Variants in TPGS2 observed in about 807,000 individuals in gnomAD.
TPGS2 encodes the protein polyglutamylase subunit 2.
TPGS2 carries 26 observed loss-of-function variants against 31.1 expected under a neutral mutation model. The ratio of observed to expected loss-of-function variants is 0.84; its 90% confidence interval spans 0.61 to 1.16. The LOEUF (loss-of-function observed/expected upper bound fraction) is 1.16, where lower values mean the gene tolerates loss of function less well. Among genes scored for constraint, TPGS2 ranks in the 50% most tolerant of loss-of-function variants. TPGS2 has a pLI of 0.00. For synonymous variants in TPGS2, 130 were observed against 136.6 expected (o/e 0.95, Z 0.34); for missense variants, 351 against 363.8 (o/e 0.96, Z 0.29).
chr18:36,824,391 A>C (rs2150704564), intron 1 of TPGS2, among the ~76,000 whole-genome samples: 1 of 152,352 alleles, frequency 6.6e-6, no homozygotes, highest in African/African-American at 2.4e-5. Context: ...CAGAAAGGGA[A>C]TCCAGAAATG....
At chr18:36,798,840 T>C (rs930768891) in intron 5 of TPGS2, among the ~76,000 whole-genome samples, 7 of 152,196 alleles carry the variant, frequency 4.6e-5, no homozygotes, top group Non-Finnish European at 8.8e-5. Flanking sequence ...GATCAGTAGA[T>C]TGATCTATCT....
rs1384676496 is a variant in TPGS2, at chr18:36,805,446, G to A, written c.310C>T (p.Leu104Phe). Residue 104 changes from leucine to phenylalanine, a missense_variant, in exon 4 of 7, where the codon CTC becomes TTC. Leu to Phe is a conservative substitution (Grantham distance 22). Coordinates refer to ENST00000334295, the MANE Select transcript of TPGS2 (RefSeq NM_015476.4). Reference protein sequence around the residue: ...AINSISKLTQLTQSSMYSLPN... With the variant: ...AINSISKLTQFTQSSMYSLPN... The stretch of plus-strand genomic sequence containing the variant: ...AGTGAATACATGGAAGACTGGGTGA[G>A]CTGAGTCAGTTTTGAGATGCTGTTA... 6 of 1,613,968 alleles carry A rather than the reference G, an allele frequency of 3.7e-6. No individual in the cohort carries two copies. In the East Asian group the frequency reaches 6.7e-5, roughly 18 times the overall value.
At position 36,794,196 on chromosome 18, in the gene TPGS2, A is replaced by C. The variant is rs939785142; in HGVS notation, c.*2609T>G. On this transcript the variant is annotated 3_prime_UTR_variant, in exon 7 of 7. Coordinates refer to ENST00000334295, the MANE Select transcript of TPGS2 (RefSeq NM_015476.4). ...AACAAGTTGAGAAAGACACTATGGA[A>C]GAAAGGAAAAACATTACATTTTAGT... 1 of 860,866 alleles carries C rather than the reference A, an allele frequency of 1.2e-6. No homozygotes were observed. The allele number at this position is 860,866 out of a possible 1,614,324, so 53.3% of individuals were successfully genotyped here.
chr18:36,807,124 G>T (rs1449680168), intron 3 of TPGS2, among the ~76,000 whole-genome samples: 1 of 151,478 alleles, frequency 6.6e-6, no homozygotes, highest in Non-Finnish European at 1.5e-5. Context: ...GGAACTGGAG[G>T]GGAGGGGCTG....
chr18:36,784,499 C>A (rs1367453299), intron 6 of TPGS2, among the ~76,000 whole-genome samples: 1 of 152,160 alleles, frequency 6.6e-6, no homozygotes, highest in Non-Finnish European at 1.5e-5. Context: ...TTTGCAAATG[C>A]AGTGAAGGTA....
At chr18:36,825,390 C>A (rs571799577) in intron 1 of TPGS2, among the ~76,000 whole-genome samples, 2 of 148,790 alleles carry the variant, frequency 1.3e-5, no homozygotes, top group East Asian at 3.9e-4. Context: ...GAAGAGCACA[C>A]CACTGCACTC....
chr18:36,823,601 C>T (rs1162163348), intron 1 of TPGS2, among the ~76,000 whole-genome samples: 2 of 150,834 alleles, frequency 1.3e-5, no homozygotes, highest in Non-Finnish European at 3.0e-5. Context: ...GCTGGGACTA[C>T]AGGCGCCCGC....
intron 1 of TPGS2, among the ~76,000 whole-genome samples, chr18:36,822,738 G>A (rs1001357759): frequency 7.9e-5 from 12 of 152,048 alleles, no homozygotes; most frequent in Non-Finnish European, 1.3e-4. Context: ...GGGACTACAG[G>A]TGCACACCAC....
intron 6 of TPGS2, among the ~76,000 whole-genome samples, chr18:36,783,517 C>G (rs1339675398): frequency 6.6e-6 from 1 of 152,170 alleles, no homozygotes; most frequent in Non-Finnish European, 1.5e-5. Flanking sequence ...GTTTAAAAAA[C>G]AACTTAATGA....
At chr18:36,826,443 G>T (rs906281365) in intron 1 of TPGS2, among the ~76,000 whole-genome samples, 103 of 119,398 alleles carry the variant, frequency 8.6e-4, no homozygotes, top group South Asian at 5.3e-4. Flanking sequence ...TGTGTGTGTG[G>T]ATTCCTTAGG....
intron 1 of TPGS2, among the ~76,000 whole-genome samples, chr18:36,820,415 T>C (rs2045845668): frequency 6.6e-6 from 1 of 152,234 alleles, no homozygotes; most frequent in Admixed American, 6.5e-5. Flanking sequence ...ATGTTGACTT[T>C]AATAACTTTC....
At chr18:36,811,249 C>G (rs1047266854) in intron 2 of TPGS2, among the ~76,000 whole-genome samples, 1 of 152,150 alleles carries the variant, frequency 6.6e-6, no homozygotes, top group African/African-American at 2.4e-5. Flanking sequence ...TGTGAGATCC[C>G]CAAGAGAATT....
chr18:36,826,404 C>CCGTG (rs1556786899), intron 1 of TPGS2, among the ~76,000 whole-genome samples: 2 of 146,338 alleles, frequency 1.4e-5, no homozygotes, highest in African/African-American at 5.1e-5. Flanking sequence ...GGTGTATAGG[C>CCGTG]TGTGTGTGTG....
Position 36,808,006 on chromosome 18 carries a change from T to C in TPGS2, c.166-72A>G. 1.3e-5 allele frequency: 18 copies of C among 1,437,274 alleles called. No homozygotes were observed. In the South Asian group the frequency reaches 1.9e-4, roughly 15 times the overall value. The allele number at this position is 1,437,274 out of a possible 1,614,324, so 89.0% of individuals were successfully genotyped here. A position where few individuals can be genotyped will look rare whatever the true frequency, so the allele number is the denominator to read the frequency against. On this transcript the variant is annotated intron_variant, in intron 2 of 6. Transcript: ENST00000334295. ...GGTACAGGGCTATGGCTTAAGGCACTGGGGACACGTTTAGCATGTTATACG... is the reference window on the plus strand; with the variant it reads ...GGTACAGGGCTATGGCTTAAGGCACCGGGGACACGTTTAGCATGTTATACG...
At chr18:36,791,498 G>A (rs1329466534), downstream of TPGS2, among the ~76,000 whole-genome samples, 1 of 152,186 alleles carries the variant, frequency 6.6e-6, no homozygotes, top group Non-Finnish European at 1.5e-5. Flanking sequence ...AACAGCACAG[G>A]AGGAGACCAA....
intron 1 of TPGS2, among the ~76,000 whole-genome samples, chr18:36,826,751 A>T (rs1244019625): frequency 2.6e-5 from 4 of 152,164 alleles, no homozygotes; most frequent in Non-Finnish European, 5.9e-5. Flanking sequence ...GCGTCAAATC[A>T]TTGAATCTGG....
intron 1 of TPGS2, among the ~76,000 whole-genome samples, chr18:36,825,843 T>A (rs1298025050): frequency 6.6e-6 from 1 of 152,200 alleles, no homozygotes; most frequent in Non-Finnish European, 1.5e-5. Context: ...ACAGTTGAGA[T>A]TTTGATGGGA....
At chr18:36,809,132 G>A (rs1259349100) in intron 2 of TPGS2, among the ~76,000 whole-genome samples, 1 of 152,192 alleles carries the variant, frequency 6.6e-6, no homozygotes, top group Admixed American at 6.5e-5. Flanking sequence ...AGGACGATTT[G>A]AGTTCACTTC....
chr18:36,823,220 AT>A (rs547704438), intron 1 of TPGS2, among the ~76,000 whole-genome samples: 230 of 151,986 alleles, frequency 1.5e-3, no homozygotes, highest in Admixed American at 5.4e-3. Context: ...TAGCTGTTCT[AT>A]TTTCATCTGG....
Sources: allele counts gnomAD v4.1 joint callset (sites outside exome capture counted in the v4.1 genomes callset), GRCh38; gene constraint gnomAD v4.1.1; transcripts MANE v1.5; gene names NCBI Gene and HGNC (gene_info 2026-07-23, HGNC 2026-07-21).